Variants in SGCD observed in about 807,000 individuals in gnomAD.
SGCD encodes the protein sarcoglycan delta.
In SGCD, 18 loss-of-function variants were observed where a neutral mutation model predicts 36.6. That is an observed-to-expected ratio of 0.49 (90% CI 0.34 to 0.73). The LOEUF (loss-of-function observed/expected upper bound fraction) is 0.73, where lower values mean the gene tolerates loss of function less well. Among genes scored for constraint, SGCD ranks in the 30% least tolerant of loss-of-function variants. The pLI is 0.01. For synonymous variants in SGCD, 133 were observed against 130.6 expected (o/e 1.02, Z -0.12); for missense variants, 387 against 346.7 (o/e 1.12, Z -0.92).
At chr5:156,021,354 G>A (rs147883550) in intron 1 of SGCD, among the ~76,000 whole-genome samples, 1 of 152,132 alleles carries the variant, frequency 6.6e-6, no homozygotes, top group Admixed American at 6.5e-5. Context: ...ACCTTAATTA[G>A]CCAAGCATGG....
At chr5:156,612,427 A>T (rs1273386703) in intron 6 of SGCD, among the ~76,000 whole-genome samples, 2 of 152,194 alleles carry the variant, frequency 1.3e-5, no homozygotes, top group Non-Finnish European at 2.9e-5. Context: ...AGCTGAAGGT[A>T]CTGAACTGGT....
intron 4 of SGCD, among the ~76,000 whole-genome samples, chr5:156,574,681 T>C (rs1241220544): frequency 6.6e-6 from 1 of 152,150 alleles, no homozygotes; most frequent in Non-Finnish European, 1.5e-5. Context: ...TTCAAATCAG[T>C]CAGCATTAGA....
the SGCD span, among the ~76,000 whole-genome samples, chr5:155,767,560 G>GT: frequency 0.073 from 11,065 of 152,244 alleles, 483 homozygotes; most frequent in African/African-American, 0.11. Context: ...TTTGAAGATT[G>GT]TTTTTATAAA....
intron 1 of SGCD, among the ~76,000 whole-genome samples, chr5:155,984,019 G>C (rs1461880058): frequency 6.6e-6 from 1 of 152,134 alleles, no homozygotes; most frequent in Admixed American, 6.5e-5. Flanking sequence ...AGTATCATTT[G>C]CATGACTCTT....
At chr5:155,924,773 C>T (rs894194260) in intron 1 of SGCD, among the ~76,000 whole-genome samples, 3 of 151,906 alleles carry the variant, frequency 2.0e-5, no homozygotes, top group African/African-American at 7.3e-5. Context: ...ATTATTTGTT[C>T]ATTAGTAAAC....
chr5:156,036,557 G>A (rs762358356), intron 1 of SGCD, among the ~76,000 whole-genome samples: 21 of 152,142 alleles, frequency 1.4e-4, no homozygotes, highest in Non-Finnish European at 2.6e-4. Flanking sequence ...AGAGACATAC[G>A]TTAAGATGCT....
intron 3 of SGCD, among the ~76,000 whole-genome samples, chr5:156,128,532 G>T (rs1036363151): frequency 6.6e-6 from 1 of 152,170 alleles, no homozygotes; most frequent in Non-Finnish European, 1.5e-5. Flanking sequence ...GATATGGTTT[G>T]GCTCTGGGTC....
intron 1 of SGCD, among the ~76,000 whole-genome samples, chr5:155,964,420 C>T (rs775934371): frequency 2.0e-5 from 3 of 152,036 alleles, no homozygotes; most frequent in Non-Finnish European, 4.4e-5. Context: ...CTCACTGCAA[C>T]CTCCACCTCC....
At chr5:156,568,260 T>G (rs1219804497) in intron 4 of SGCD, among the ~76,000 whole-genome samples, 1 of 152,190 alleles carries the variant, frequency 6.6e-6, no homozygotes, top group East Asian at 1.9e-4. Flanking sequence ...GATGTGCACC[T>G]GTAGTCTCAG....
At chr5:155,843,610 G>A in the SGCD span, among the ~76,000 whole-genome samples, 14 of 152,212 alleles carry the variant, frequency 9.2e-5, no homozygotes, top group African/African-American at 3.4e-4. Flanking sequence ...GGTGATATGA[G>A]TTAATTGAAC....
chr5:155,930,664 TCC>T (rs1367883471), intron 1 of SGCD, among the ~76,000 whole-genome samples: 2 of 152,300 alleles, frequency 1.3e-5, no homozygotes, highest in East Asian at 3.9e-4. Flanking sequence ...TAAGTTCTGT[TCC>T]ACATTTATTA....
Position 156,076,477 on chromosome 5 carries a change from A to T in SGCD, c.-281-41401A>T, listed in dbSNP as rs187135665. On this transcript the variant is annotated intron_variant, in intron 1 of 9. Coordinates refer to the SGCD transcript ENST00000517913. ...CAGTACAAAAGAAGGATTCAAAAGA[A>T]TTTCTAAGGCATGTGGGAAGGATTG... 5.9e-4 allele frequency among the ~76,000 whole-genome samples: 90 copies of T among 152,266 alleles called. 1 individual carries two copies. Among genetic ancestry groups the T allele is most frequent in the African/African-American group, 2.1e-3 (87 of 41,566 alleles).
chr5:156,201,619 A>G (rs185127297), intron 3 of SGCD, among the ~76,000 whole-genome samples: 3 of 152,286 alleles, frequency 2.0e-5, no homozygotes, highest in South Asian at 2.1e-4. Flanking sequence ...GAGGTAAAGC[A>G]ATGAGTGTTT....
intron 3 of SGCD, among the ~76,000 whole-genome samples, chr5:156,414,060 C>T (rs1033384650): frequency 6.6e-6 from 1 of 152,188 alleles, no homozygotes; most frequent in Non-Finnish European, 1.5e-5. Flanking sequence ...CTCTGCACCC[C>T]ATTTTCTCGA....
chr5:155,792,684 G>A, the SGCD span, among the ~76,000 whole-genome samples: 6 of 152,104 alleles, frequency 3.9e-5, no homozygotes, highest in Non-Finnish European at 8.8e-5. Flanking sequence ...TCAGAGAAAT[G>A]CAAATCAAAA....
chr5:156,222,646 C>G (rs1764744806), intron 3 of SGCD, among the ~76,000 whole-genome samples: 1 of 151,982 alleles, frequency 6.6e-6, no homozygotes, highest in South Asian at 2.1e-4. Context: ...ATTTGTTTGT[C>G]TCAAATTTTT....
chr5:156,263,449 T>C (rs1195881517), intron 3 of SGCD, among the ~76,000 whole-genome samples: 1 of 152,166 alleles, frequency 6.6e-6, no homozygotes, highest in East Asian at 1.9e-4. Context: ...TATGAAGTTT[T>C]TTTTCTTGCT....
At chr5:156,489,566 A>G (rs1755848872) in intron 3 of SGCD, among the ~76,000 whole-genome samples, 1 of 152,174 alleles carries the variant, frequency 6.6e-6, no homozygotes, top group Admixed American at 6.5e-5. Context: ...GTTAACAACA[A>G]CAGGAACTTT....
Position 156,420,596 on chromosome 5 carries a change from C to A in SGCD, c.192+75919C>A, listed in dbSNP as rs1045521386. ...AGCCAAATTTTAATTTCAATTGCTGCTTTACAAAGAAATGTATTTTACTTC... is the reference window on the plus strand; with the variant it reads ...AGCCAAATTTTAATTTCAATTGCTGATTTACAAAGAAATGTATTTTACTTC... On this transcript the variant is annotated intron_variant, in intron 3 of 8. Coordinates refer to ENST00000337851, the MANE Select transcript of SGCD (RefSeq NM_000337.6). 3.3e-5 allele frequency among the ~76,000 whole-genome samples: 5 copies of A among 152,168 alleles called. No homozygotes were observed. In the South Asian group the frequency reaches 1.0e-3, roughly 32 times the overall value.
Sources: gnomAD v4.1 joint callset for allele counts (sites outside exome capture counted in the v4.1 genomes callset) on GRCh38, gnomAD v4.1.1 for gene constraint, MANE v1.5 for transcripts, NCBI Gene and HGNC (gene_info 2026-07-23, HGNC 2026-07-21) for gene names.